ITFG1: variants seen among roughly 807,000 people sequenced by gnomAD.
ITFG1 encodes the protein integrin alpha FG-GAP repeat containing 1.
A neutral mutation model predicts 81.8 loss-of-function variants in ITFG1; 34 were observed. That is an observed-to-expected ratio of 0.42 (90% confidence interval 0.32 to 0.55). ITFG1 has a LOEUF of 0.55. Among genes scored for constraint, ITFG1 ranks in the 20% least tolerant of loss-of-function variants. ITFG1 has a pLI of 0.17. For synonymous variants in ITFG1, 285 were observed against 270.6 expected (o/e 1.05, Z -0.52); for missense variants, 672 against 755.4 (o/e 0.89, Z 1.29).
At chr16:47,223,324 G>T (rs558319998) in intron 13 of ITFG1, among the ~76,000 whole-genome samples, 2 of 152,034 alleles carry the variant, frequency 1.3e-5, no homozygotes, top group Non-Finnish European at 2.9e-5. Flanking sequence ...GTAAATCTTC[G>T]CAACCTACTC....
At chr16:47,330,063 G>T (rs1194976296) in intron 8 of ITFG1, among the ~76,000 whole-genome samples, 3 of 151,848 alleles carry the variant, frequency 2.0e-5, no homozygotes, top group Non-Finnish European at 2.9e-5. Flanking sequence ...TTTAAAGAGG[G>T]CTGAAAATGC....
intron 12 of ITFG1, among the ~76,000 whole-genome samples, chr16:47,253,768 G>C (rs895172057): frequency 4.6e-5 from 7 of 152,096 alleles, no homozygotes; most frequent in African/African-American, 1.7e-4. Context: ...GAGCTCAGGC[G>C]GTAATGCCAG....
At chr16:47,348,204 G>T (rs1967888894) in intron 8 of ITFG1, among the ~76,000 whole-genome samples, 2 of 152,192 alleles carry the variant, frequency 1.3e-5, no homozygotes, top group Non-Finnish European at 2.9e-5. Flanking sequence ...GAACAAAGCT[G>T]GACGGAGAAT....
At chr16:47,314,268 T>C (rs1449798449) in intron 8 of ITFG1, among the ~76,000 whole-genome samples, 1 of 152,198 alleles carries the variant, frequency 6.6e-6, no homozygotes, top group African/African-American at 2.4e-5. Context: ...TTTTTAAAAA[T>C]GTAGCTTTGA....
chr16:47,443,152 C>T (rs1969276592), intron 5 of ITFG1, among the ~76,000 whole-genome samples: 2 of 152,204 alleles, frequency 1.3e-5, no homozygotes, highest in Non-Finnish European at 2.9e-5. Context: ...AAAAAATGCT[C>T]ATCATCACTG....
intron 6 of ITFG1, among the ~76,000 whole-genome samples, chr16:47,411,747 G>A (rs1968813887): frequency 6.6e-6 from 1 of 152,122 alleles, no homozygotes; most frequent in African/African-American, 2.4e-5. Flanking sequence ...CTAATGATTG[G>A]AGGTGGCTCC....
chr16:47,161,769 G>T lies in ITFG1; in HGVS notation c.1642C>A (p.Pro548Thr). ...PNSQLIVIPY[P>T]HNVPRSWSAK... Reference sequence around the variant, plus strand: ...CATTACCTTCGAGGGACATTGTGAGGGTATGGAATGACAATTAGCTGGGAA... The same window carrying T: ...CATTACCTTCGAGGGACATTGTGAGTGTATGGAATGACAATTAGCTGGGAA... Residue 548 changes from proline to threonine, a missense_variant, in exon 16 of 18, where the codon CCT (proline) becomes ACT (threonine). Around this residue, in one of 3 missense-constraint regions of ITFG1, gnomAD observed 65 missense variants for 103.3 expected, o/e 0.63. Coordinates refer to ENST00000320640, the MANE Select transcript of ITFG1 (RefSeq NM_030790.5). 1.2e-6 allele frequency: 2 copies of T among 1,609,644 alleles called. No homozygotes were observed. Among genetic ancestry groups the T allele is most frequent in the South Asian group, 1.1e-5 (1 of 90,998 alleles).
intron 6 of ITFG1, among the ~76,000 whole-genome samples, chr16:47,398,837 A>G (rs554597293): frequency 6.6e-6 from 1 of 152,334 alleles, no homozygotes; most frequent in Middle Eastern, 3.4e-3. Context: ...CACTTTGTTT[A>G]TACTTTGGGA....
chr16:47,270,407 A>G (rs1450671520), intron 10 of ITFG1, among the ~76,000 whole-genome samples: 2 of 152,256 alleles, frequency 1.3e-5, no homozygotes, highest in African/African-American at 2.4e-5. Context: ...TAAAATTAAA[A>G]CTACAAGAAC....
At chr16:47,161,724 C>T (rs1964808530) in intron 16 of ITFG1, 26 bp downstream of exon 16, 2 of 1,429,802 alleles carry the variant, frequency 1.4e-6, no homozygotes, top group East Asian at 4.6e-5. Context: ...GTGTCTTTAC[C>T]AAATCGGTTC....
intron 2 of ITFG1, among the ~76,000 whole-genome samples, chr16:47,457,622 G>A (rs1438287163): frequency 6.6e-6 from 1 of 152,072 alleles, no homozygotes; most frequent in Non-Finnish European, 1.5e-5. Flanking sequence ...GAGAATAAGG[G>A]TGAAGAATAG....
intron 10 of ITFG1, chr16:47,299,982 T>C (rs966122251): frequency 4.6e-5 from 7 of 152,406 alleles, no homozygotes; most frequent in African/African-American, 1.7e-4. Flanking sequence ...TGGTTGCCAC[T>C]TGTGTTTCAG....
chr16:47,335,304 C>T (rs1967688590), intron 8 of ITFG1, among the ~76,000 whole-genome samples: 2 of 152,062 alleles, frequency 1.3e-5, no homozygotes, highest in African/African-American at 4.8e-5. Context: ...TTGCTGTGAG[C>T]CCAGATCATG....
intron 14 of ITFG1, among the ~76,000 whole-genome samples, chr16:47,181,256 C>A (rs533936000): frequency 2.1e-5 from 3 of 143,076 alleles, no homozygotes; most frequent in Non-Finnish European, 4.6e-5. Context: ...GGAGCCCCTC[C>A]GCCCGGCAGC....
At chr16:47,435,139 C>T (rs1022064180) in intron 5 of ITFG1, among the ~76,000 whole-genome samples, 4 of 152,100 alleles carry the variant, frequency 2.6e-5, no homozygotes, top group Admixed American at 6.6e-5. Flanking sequence ...TACACATTTA[C>T]CTGTGTAACA....
chr16:47,390,809 C>T (rs1968521074), intron 6 of ITFG1, among the ~76,000 whole-genome samples: 1 of 152,054 alleles, frequency 6.6e-6, no homozygotes, highest in Non-Finnish European at 1.5e-5. Context: ...TAAGGTATTA[C>T]TTTAAAAATC....
chr16:47,461,066 C>T, upstream of ITFG1: 1 of 1,515,182 alleles, frequency 6.6e-7, no homozygotes, highest in Non-Finnish European at 8.8e-7. Flanking sequence ...CAGCCCCCGC[C>T]CGCCGGCCCA....
chr16:47,243,717 A>G (rs1209540000), intron 12 of ITFG1, among the ~76,000 whole-genome samples: 1 of 152,216 alleles, frequency 6.6e-6, no homozygotes, highest in Non-Finnish European at 1.5e-5. Flanking sequence ...ACCAAGATGC[A>G]TGCAAATATG....
chr16:47,228,439 G>A (rs544851282), intron 13 of ITFG1, among the ~76,000 whole-genome samples: 1 of 152,054 alleles, frequency 6.6e-6, no homozygotes, highest in Non-Finnish European at 1.5e-5. Flanking sequence ...AGCTCACTAC[G>A]GCCTTGACTT....
Sources: allele counts gnomAD v4.1 joint callset (sites outside exome capture counted in the v4.1 genomes callset), GRCh38; gene constraint gnomAD v4.1.1; regional missense constraint gnomAD v4.1.1; transcripts MANE v1.5; gene names NCBI Gene and HGNC (gene_info 2026-07-23, HGNC 2026-07-21).